RASAL2: variants seen among roughly 807,000 people sequenced by gnomAD.
RASAL2 encodes ras GTPase-activating protein nGAP.
Under a neutral mutation model 128.9 loss-of-function variants are expected in RASAL2, and 58 were observed. The ratio of observed to expected loss-of-function variants is 0.45; its 90% CI spans 0.36 to 0.56. The LOEUF (loss-of-function observed/expected upper bound fraction) is 0.56, where lower values mean the gene tolerates loss of function less well. Among genes scored for constraint, RASAL2 ranks in the 20% least tolerant of loss-of-function variants. The pLI, the probability that RASAL2 is intolerant of heterozygous loss-of-function variation, is 0.00. For missense variants in RASAL2, 1,360 were observed against 1,601.6 expected (o/e 0.85, Z 2.57); for synonymous variants, 561 against 580.8 (o/e 0.97, Z 0.49).
At chr1:178,239,484 C>T (rs1170744972) in intron 1 of RASAL2, among the ~76,000 whole-genome samples, 5 of 152,038 alleles carry the variant, frequency 3.3e-5, no homozygotes, top group Non-Finnish European at 5.9e-5. Flanking sequence ...TGCAATAAAT[C>T]ACTCACAATA....
chr1:178,218,580 G>A (rs528716485), intron 1 of RASAL2, among the ~76,000 whole-genome samples: 2 of 152,170 alleles, frequency 1.3e-5, no homozygotes, highest in Non-Finnish European at 2.9e-5. Context: ...CCAGCTACTC[G>A]AGAGGCTGAG....
chr1:178,147,020 A>G (rs1660752259), intron 1 of RASAL2, among the ~76,000 whole-genome samples: 1 of 152,220 alleles, frequency 6.6e-6, no homozygotes, highest in South Asian at 2.1e-4. Context: ...CATTTATTTC[A>G]TACAACTTGA....
intron 4 of RASAL2, among the ~76,000 whole-genome samples, chr1:178,413,899 C>T (rs1329655419): frequency 6.6e-6 from 1 of 152,002 alleles, no homozygotes; most frequent in East Asian, 1.9e-4. Context: ...TATTAGTAGA[C>T]AGGACACAAT....
intron 1 of RASAL2, among the ~76,000 whole-genome samples, chr1:178,183,995 A>G (rs2101934439): frequency 6.6e-6 from 1 of 152,302 alleles, no homozygotes; most frequent in Middle Eastern, 3.4e-3. Flanking sequence ...TAGCCAGTCT[A>G]ATAGGTATGT....
At chr1:178,387,299 G>C (rs1474809842) in intron 3 of RASAL2, among the ~76,000 whole-genome samples, 3 of 151,914 alleles carry the variant, frequency 2.0e-5, no homozygotes, top group African/African-American at 7.3e-5. Context: ...TCTTCTTTCT[G>C]GACCCGATAA....
intron 17 of RASAL2, among the ~76,000 whole-genome samples, chr1:178,468,694 C>G (rs1330798104): frequency 1.3e-5 from 2 of 152,206 alleles, no homozygotes; most frequent in Non-Finnish European, 2.9e-5. Flanking sequence ...GAAGAAAGGT[C>G]TGTAGTAATT....
chr1:178,266,450 C>T lies in RASAL2; in HGVS notation c.203-17114C>T, dbSNP rs74404493. ...TGCCCTTGTTTCTTTTTTCTCATAC[C>T]ATTTACACTTGGTTTTACTGGACAG... On this transcript the variant is annotated intron_variant, in intron 1 of 17. Transcript: ENST00000367649. Among the ~76,000 whole-genome samples, 301 of 152,156 alleles carry T rather than the reference C, an allele frequency of 2.0e-3. 2 individuals are homozygous for T. The East Asian group carries it at 0.029, about 15-fold the overall frequency.
At position 178,096,302 on chromosome 1, in the gene RASAL2, A is replaced by G. The variant is rs1658679733; in HGVS notation, c.202+1608A>G. Among the ~76,000 whole-genome samples, 3 of 152,188 alleles carry G rather than the reference A, an allele frequency of 2.0e-5. No homozygotes were observed. The South Asian group carries it at 6.2e-4, about 32-fold the overall frequency. On this transcript the variant is annotated intron_variant, in intron 1 of 17. Coordinates refer to ENST00000367649, the MANE Select transcript of RASAL2 (RefSeq NM_170692.4). ...TAGGGCCATGCTATTCTAAGAATACATGTATATGATAATTCGGTATTTCAG... is the reference window on the plus strand; with the variant it reads ...TAGGGCCATGCTATTCTAAGAATACGTGTATATGATAATTCGGTATTTCAG...
intron 1 of RASAL2, among the ~76,000 whole-genome samples, chr1:178,261,230 G>A (rs960207544): frequency 2.6e-5 from 4 of 152,036 alleles, no homozygotes; most frequent in Non-Finnish European, 4.4e-5. Flanking sequence ...CTCTGGAATT[G>A]TCCAAACCCT....
chr1:178,194,629 C>T, intron 1 of RASAL2: 1 of 164,704 alleles, frequency 6.1e-6, no homozygotes, highest in Non-Finnish European at 1.4e-5. Context: ...GTCTGCTCTT[C>T]CTGGAAGCTT....
At position 178,478,061 on chromosome 1, in the gene RASAL2, G is replaced by T. The variant is rs986911634; in HGVS notation, c.*4822G>T. 1 of 152,150 alleles carries T rather than the reference G, an allele frequency of 6.6e-6. No individual in the cohort carries two copies. The highest frequency in any genetic ancestry group is 2.4e-5 in the African/African-American group (1 of 41,422). The allele number at this position is 152,150 out of a possible 1,614,324, so 9.4% of individuals were successfully genotyped here. A position where few individuals can be genotyped will look rare whatever the true frequency, so the allele number is the denominator to read the frequency against. ...AGCACCCGAGGAAAGGAAAGTGGTA[G>T]TCTTTGCCTGCATTTCAGCATGCAT... On this transcript the variant is annotated 3_prime_UTR_variant, in exon 18 of 18. Coordinates refer to ENST00000367649, the MANE Select transcript of RASAL2 (RefSeq NM_170692.4).
chr1:178,281,737 C>A (rs1310023085), intron 1 of RASAL2, among the ~76,000 whole-genome samples: 1 of 152,140 alleles, frequency 6.6e-6, no homozygotes, highest in Non-Finnish European at 1.5e-5. Context: ...CATATTTCTA[C>A]ATAAAGTAGA....
chr1:178,305,992 T>G (rs1667966481), intron 3 of RASAL2, among the ~76,000 whole-genome samples: 1 of 152,002 alleles, frequency 6.6e-6, no homozygotes, highest in Admixed American at 6.6e-5. Flanking sequence ...AAGAAGGGAG[T>G]GCTTAAGCAC....
At chr1:178,208,304 C>T (rs2101980172) in intron 1 of RASAL2, among the ~76,000 whole-genome samples, 1 of 152,204 alleles carries the variant, frequency 6.6e-6, no homozygotes, top group Non-Finnish European at 1.5e-5. Context: ...AGAGACATCG[C>T]TAAATTCTTT....
intron 11 of RASAL2, among the ~76,000 whole-genome samples, chr1:178,452,953 G>A (rs892553127): frequency 3.3e-5 from 5 of 151,760 alleles, no homozygotes; most frequent in Non-Finnish European, 5.9e-5. Context: ...TACTTTAGTG[G>A]GAAAAAAAGG....
chr1:178,250,535 G>A (rs184147928), intron 1 of RASAL2, among the ~76,000 whole-genome samples: 47 of 152,302 alleles, frequency 3.1e-4, no homozygotes, highest in Non-Finnish European at 5.3e-4. Context: ...CTCGCTGATC[G>A]AGACCACTTG....
At chr1:178,203,466 T>G (rs1045089642) in intron 1 of RASAL2, among the ~76,000 whole-genome samples, 8 of 152,222 alleles carry the variant, frequency 5.3e-5, no homozygotes, top group Non-Finnish European at 8.8e-5. Flanking sequence ...TGGTACTGTT[T>G]CTTGCATAGC....
intron 1 of RASAL2, among the ~76,000 whole-genome samples, chr1:178,175,437 C>CGTGTGTTT (rs1661849343): frequency 6.9e-6 from 1 of 144,334 alleles, no homozygotes; most frequent in Admixed American, 6.9e-5. Context: ...TACATGGTTA[C>CGTGTGTTT]GTGTGTGTGT....
At chr1:178,115,736 T>G (rs143846283) in intron 1 of RASAL2, among the ~76,000 whole-genome samples, 1 of 152,232 alleles carries the variant, frequency 6.6e-6, no homozygotes, top group African/African-American at 2.4e-5. Context: ...GAAAATAGAT[T>G]CCTGTGGAGC....
Sources: allele counts gnomAD v4.1 joint callset (sites outside exome capture counted in the v4.1 genomes callset), GRCh38; gene constraint gnomAD v4.1.1; transcripts MANE v1.5; gene names NCBI Gene and HGNC (gene_info 2026-07-23, HGNC 2026-07-21).